Variants in LIN7A observed in about 807,000 individuals in gnomAD.
The protein encoded by LIN7A is protein lin-7 homolog A.
Under a neutral mutation model 29.8 loss-of-function variants are expected in LIN7A, and 25 were observed. The observed-to-expected ratio is 0.84, with a 90% CI of 0.61 to 1.17. The LOEUF (loss-of-function observed/expected upper bound fraction) is 1.17, where lower values mean the gene tolerates loss of function less well. Ranked by LOEUF, LIN7A falls within the 50% of genes most tolerant of loss-of-function variation. LIN7A has a pLI of 0.00. For missense variants in LIN7A, 239 were observed against 287.0 expected (o/e 0.83, Z 1.21); for synonymous variants, 118 against 107.5 (o/e 1.10, Z -0.60).
chr12:80,858,565 T>A (rs2120383069), intron 2 of LIN7A, among the ~76,000 whole-genome samples: 1 of 152,076 alleles, frequency 6.6e-6, no homozygotes, highest in Non-Finnish European at 1.5e-5. Context: ...AGCTGTTCCC[T>A]GTCTTGTCCT....
chr12:80,891,140 C>T (rs930249265), intron 1 of LIN7A, among the ~76,000 whole-genome samples: 1 of 152,114 alleles, frequency 6.6e-6, no homozygotes, highest in East Asian at 1.9e-4. Flanking sequence ...GTAAAGAGCC[C>T]TATCACTCTC....
chr12:80,871,606 C>T (rs117874866), intron 2 of LIN7A, among the ~76,000 whole-genome samples: 1,836 of 151,814 alleles, frequency 0.012, 20 homozygotes, highest in Middle Eastern at 0.022. Context: ...ATAAATATTG[C>T]TTTATCAAAA....
At chr12:80,875,373 A>G (rs1874632160) in intron 2 of LIN7A, among the ~76,000 whole-genome samples, 1 of 152,196 alleles carries the variant, frequency 6.6e-6, no homozygotes, top group African/African-American at 2.4e-5. Context: ...AAAGCATAGC[A>G]CTAGGTGCTT....
At chr12:80,892,547 G>C (rs930434056) in intron 1 of LIN7A, among the ~76,000 whole-genome samples, 17 of 152,142 alleles carry the variant, frequency 1.1e-4, no homozygotes, top group African/African-American at 4.1e-4. Context: ...AATATTTTTA[G>C]TAGTTCTCAA....
chr12:80,869,984 T>C (rs972723866), intron 2 of LIN7A, among the ~76,000 whole-genome samples: 1 of 152,118 alleles, frequency 6.6e-6, no homozygotes, highest in African/African-American at 2.4e-5. Flanking sequence ...TTTTAAAGGA[T>C]TGGAAACCAT....
chr12:80,818,719 A>T (rs1184372915), intron 4 of LIN7A, among the ~76,000 whole-genome samples: 2 of 152,158 alleles, frequency 1.3e-5, no homozygotes, highest in Non-Finnish European at 2.9e-5. Flanking sequence ...TAGCAATATG[A>T]CCTAGGAATA....
intron 2 of LIN7A, among the ~76,000 whole-genome samples, chr12:80,878,712 T>C (rs1413893779): frequency 6.6e-6 from 1 of 151,860 alleles, no homozygotes; most frequent in African/African-American, 2.4e-5. Flanking sequence ...TGCTGATTGG[T>C]CCATTTTACA....
intron 2 of LIN7A, among the ~76,000 whole-genome samples, chr12:80,858,221 A>G (rs1429800707): frequency 6.6e-6 from 1 of 152,222 alleles, no homozygotes; most frequent in African/African-American, 2.4e-5. Flanking sequence ...TTATAGTTTC[A>G]AAACTAATTA....
chr12:80,863,906 T>G (rs538062847), intron 2 of LIN7A, among the ~76,000 whole-genome samples: 26 of 152,254 alleles, frequency 1.7e-4, no homozygotes, highest in African/African-American at 3.1e-4. Flanking sequence ...TTGTTTGTTT[T>G]TTTTTAACAA....
intron 4 of LIN7A, among the ~76,000 whole-genome samples, chr12:80,843,300 C>A (rs79361259): frequency 2.6e-3 from 401 of 152,218 alleles, no homozygotes; most frequent in Non-Finnish European, 4.2e-3. Context: ...ACCCTATTTT[C>A]AACTGTCAAT....
chr12:80,859,975 G>A (rs972455656), intron 2 of LIN7A, among the ~76,000 whole-genome samples: 2 of 151,896 alleles, frequency 1.3e-5, no homozygotes, highest in African/African-American at 2.4e-5. Context: ...ACATATTAAT[G>A]CTTATTCTAC....
chr12:80,916,141 C>G (rs926786301), intron 1 of LIN7A, among the ~76,000 whole-genome samples: 1 of 152,184 alleles, frequency 6.6e-6, no homozygotes, highest in African/African-American at 2.4e-5. Context: ...ACCACCATCT[C>G]TGACCTGAAT....
chr12:80,841,713 T>A (rs1279871265), intron 4 of LIN7A: 1 of 175,298 alleles, frequency 5.7e-6, no homozygotes, highest in East Asian at 1.9e-4. Context: ...AGACTTTTTA[T>A]ATCCTGACTC....
At chr12:80,800,685 A>G (rs1047243076) in intron 5 of LIN7A, among the ~76,000 whole-genome samples, 15 of 152,230 alleles carry the variant, frequency 9.9e-5, no homozygotes, top group Non-Finnish European at 1.8e-4. Flanking sequence ...AAGTTATACC[A>G]ATTGTCTATA....
intron 2 of LIN7A, among the ~76,000 whole-genome samples, chr12:80,864,104 C>T (rs2051688006): frequency 6.6e-6 from 1 of 151,898 alleles, no homozygotes; most frequent in Admixed American, 6.6e-5. Flanking sequence ...CTATAGAAGT[C>T]TCAAAAGACA....
chr12:80,907,053 CTCTGTGTGTGTGTGTGTGTG>C lies in LIN7A; in HGVS notation c.83-17704_83-17685del, dbSNP rs1392766072. Among the ~76,000 whole-genome samples the C allele has an allele frequency of 2.5e-4, 33 of 133,012 alleles. No individual in the cohort carries two copies. The South Asian group carries it at 8.0e-3, about 32-fold the overall frequency. The allele number at this position is 133,012 out of a possible 152,430, so 87.3% of individuals were successfully genotyped here. A position where few individuals can be genotyped will look rare whatever the true frequency, so the allele number is the denominator to read the frequency against. On this transcript the variant is annotated intron_variant, in intron 1 of 5. Coordinates refer to ENST00000552864, the MANE Select transcript of LIN7A (RefSeq NM_004664.4). ...AATAGAACATACCTCAGAGTGCGTGCTCTGTGTGTGTGTGTGTGTGTGTGTGTGTGTGTGTGTGTGTGTGT... is the reference window on the plus strand; with the variant it reads ...AATAGAACATACCTCAGAGTGCGTGCTGTGTGTGTGTGTGTGTGTGTGTGT...
At chr12:80,852,235 A>G (rs1373343954) in intron 2 of LIN7A, among the ~76,000 whole-genome samples, 1 of 152,304 alleles carries the variant, frequency 6.6e-6, no homozygotes, top group Admixed American at 6.5e-5. Flanking sequence ...GAGAATAACA[A>G]GTATAAATGA....
At chr12:80,832,962 C>A (rs1307167517) in intron 4 of LIN7A, among the ~76,000 whole-genome samples, 1 of 152,050 alleles carries the variant, frequency 6.6e-6, no homozygotes, top group East Asian at 1.9e-4. Context: ...TTCTACAATG[C>A]ACAGAATGGC....
intron 4 of LIN7A, among the ~76,000 whole-genome samples, chr12:80,817,569 T>A (rs994167154): frequency 6.6e-6 from 1 of 152,188 alleles, no homozygotes; most frequent in African/African-American, 2.4e-5. Flanking sequence ...CAGTCATTCC[T>A]TTAGATTAAA....
Sources: allele counts gnomAD v4.1 joint callset (sites outside exome capture counted in the v4.1 genomes callset), GRCh38; gene constraint gnomAD v4.1.1; transcripts MANE v1.5; gene names NCBI Gene and HGNC (gene_info 2026-07-23, HGNC 2026-07-21).